Variants in ARID4A observed in about 807,000 individuals in gnomAD.
The protein encoded by ARID4A is AT-rich interactive domain-containing protein 4A.
Under a neutral mutation model 148.6 loss-of-function variants are expected in ARID4A, and 39 were observed. The ratio of observed to expected loss-of-function variants is 0.26; its 90% CI spans 0.20 to 0.34. ARID4A has a LOEUF of 0.34. Ranked by LOEUF, ARID4A falls within the 10% of genes least tolerant of loss-of-function variation. The pLI is 1.00. For synonymous variants in ARID4A, 475 were observed against 481.2 expected (o/e 0.99, Z 0.17); for missense variants, 1,265 against 1,449.1 (o/e 0.87, Z 2.06).
chr14:58,319,521 CTTTTTTTTTTTTTTTTTTTTTTT>C (rs71107934), intron 7 of ARID4A, among the ~76,000 whole-genome samples: 1 of 62,096 alleles, frequency 1.6e-5, no homozygotes, highest in Non-Finnish European at 2.9e-5. Flanking sequence ...TCTATATACT[CTTTTTTTTTTTTTTTTTTTTTTT>C]TTTTTTTTTT....
chr14:58,318,854 T>C, intron 7 of ARID4A, 49 bp downstream of exon 7: 1 of 1,462,502 alleles, frequency 6.8e-7, no homozygotes. Context: ...TATTATAACC[T>C]TAAACAAGGG....
intron 15 of ARID4A, 95 bp from the exon 16 acceptor site, chr14:58,350,978 G>A (rs1010954102): frequency 1.5e-6 from 2 of 1,305,550 alleles, no homozygotes; most frequent in Admixed American, 2.8e-5. Flanking sequence ...TCAAGCCAGA[G>A]ACATTGCTAT....
Position 58,327,560 on chromosome 14 carries a change from T to G in ARID4A, c.583-677T>G, listed in dbSNP as rs2033286270. Among the ~76,000 whole-genome samples, 3 of 152,188 alleles carry G rather than the reference T, an allele frequency of 2.0e-5. 1 individual carries two copies. The South Asian group carries it at 6.2e-4, about 32-fold the overall frequency. On this transcript the variant is annotated intron_variant, in intron 8 of 23. Coordinates refer to ENST00000355431, the MANE Select transcript of ARID4A (RefSeq NM_002892.4). ...AAAAAGATCCTTATTCAAGTATATT[T>G]TTAAAAATTATATGCCAAATTTTCA...
chr14:58,333,461 C>T (rs1161344771), intron 11 of ARID4A, among the ~76,000 whole-genome samples: 1 of 151,836 alleles, frequency 6.6e-6, no homozygotes, highest in Non-Finnish European at 1.5e-5. Flanking sequence ...GGAATGTGAC[C>T]AGTGTTAGCT....
At chr14:58,364,069 A>C (rs2035245775) in intron 19 of ARID4A, 101 bp from the exon 20 acceptor site, 10 of 586,096 alleles carry the variant, frequency 1.7e-5, no homozygotes, top group Non-Finnish European at 2.5e-5. Flanking sequence ...TCAGAGGTAC[A>C]TGATTAAAGA....
chr14:58,364,225 TGAA>T lies in ARID4A; in HGVS notation c.2140_2142del (p.Glu714del), dbSNP rs776946993. 1.6e-5 allele frequency: 24 copies of T among 1,503,494 alleles called. No individual in the cohort carries two copies. The highest frequency in any genetic ancestry group is 1.9e-5 in the Non-Finnish European group (21 of 1,129,628). The allele number at this position is 1,503,494 out of a possible 1,614,324, so 93.1% of individuals were successfully genotyped here. A position where few individuals can be genotyped will look rare whatever the true frequency, so the allele number is the denominator to read the frequency against. ...ATGCTTTAGAAAAGAATTTAATAAA[TGAA>T]GAACTTTCTCTTAAAGATGAACTAG... On this transcript the variant is annotated inframe_deletion, in exon 20 of 24. Transcript: ENST00000355431.
At chr14:58,339,378 A>T (rs1285055081) in intron 11 of ARID4A, among the ~76,000 whole-genome samples, 1 of 152,086 alleles carries the variant, frequency 6.6e-6, no homozygotes, top group Non-Finnish European at 1.5e-5. Context: ...AACCACAAAG[A>T]TCAAGTTTAG....
At position 58,318,399 on chromosome 14, in the gene ARID4A, A is replaced by G. The variant is rs527269429; in HGVS notation, c.275-143A>G. 3.7e-6 allele frequency: 3 copies of G among 811,212 alleles called. No homozygotes were observed. In the African/African-American group the frequency reaches 5.2e-5, roughly 14 times the overall value. The allele number at this position is 811,212 out of a possible 1,614,324, so 50.3% of individuals were successfully genotyped here. On this transcript the variant is annotated intron_variant, in intron 5 of 23. Transcript: ENST00000355431. ...ATGAAAAATATGGCATGGTATGCTC[A>G]TTGTAAAGGTTTTGAAAAATGACTA...
chr14:58,364,729 T>C lies in ARID4A; in HGVS notation c.2640T>C (p.Thr880=). 2 of 1,613,878 alleles carry C rather than the reference T, an allele frequency of 1.2e-6. No individual in the cohort carries two copies. The highest frequency in any genetic ancestry group is 1.7e-6 in the Non-Finnish European group (2 of 1,179,956). Residue 880 remains threonine (T), a synonymous_variant, in exon 20 of 24, where the codon ACT becomes ACC. Coordinates refer to ENST00000355431, the MANE Select transcript of ARID4A (RefSeq NM_002892.4). Reference sequence around the variant, plus strand: ...AGAATGGAATGGAAATGACAAATACTGTATCTCAAGAAAGGACCAGTGATT... The same window carrying C: ...AGAATGGAATGGAAATGACAAATACCGTATCTCAAGAAAGGACCAGTGATT... The part of the protein sequence containing the change: ...RIENGMEMTN[T]VSQERTSDCI...
chr14:58,323,715 A>C, intron 8 of ARID4A, 98 bp downstream of exon 8: 6 of 1,113,054 alleles, frequency 5.4e-6, no homozygotes, highest in Non-Finnish European at 7.8e-6. Context: ...AGTATTAAAC[A>C]AATTTGGACT....
In ARID4A at chr14:58,316,072, T is replaced by G. The variant is rs185389276; in HGVS notation, c.275-2470T>G. Among the ~76,000 whole-genome samples, 177 of 152,342 alleles carry G rather than the reference T, an allele frequency of 1.2e-3. 1 individual carries two copies. The highest frequency in any genetic ancestry group is 5.8e-3 in the Admixed American group (89 of 15,304). On this transcript the variant is annotated intron_variant, in intron 5 of 23. Transcript: ENST00000355431. ...TTTCAAAAAACTTATTCATTAAAGG[T>G]AAGCGTAGGATTTGAAGGCAAAGTG...
intron 11 of ARID4A, among the ~76,000 whole-genome samples, chr14:58,337,246 T>TATATATATATATAGA (rs1555361738): frequency 1.2e-5 from 1 of 83,818 alleles, no homozygotes; most frequent in African/African-American, 4.2e-5. Flanking sequence ...TTCTCTTTAT[T>TATATATATATATAGA]TATATATATA....
chr14:58,355,380 T>C (rs988854603), intron 17 of ARID4A, among the ~76,000 whole-genome samples: 16 of 152,218 alleles, frequency 1.1e-4, no homozygotes, highest in African/African-American at 3.9e-4. Context: ...CTGAATCTTA[T>C]ATATCCTATG....
chr14:58,365,874 T>G (rs1054234855), intron 21 of ARID4A, 150 bp from the exon 22 acceptor site: 11 of 808,242 alleles, frequency 1.4e-5, no homozygotes, highest in African/African-American at 1.2e-4. Context: ...GGTTTTTTTG[T>G]TTTTTTGTTG....
At chr14:58,319,903 T>G (rs938717134) in intron 7 of ARID4A, among the ~76,000 whole-genome samples, 1 of 151,382 alleles carries the variant, frequency 6.6e-6, no homozygotes, top group Admixed American at 6.6e-5. Flanking sequence ...TTCACACATT[T>G]GCTTTACGAT....
rs763901044 is a variant in ARID4A at position 58,365,630 on chromosome 14, T to A, written c.3316+8T>A. On this transcript the variant is annotated splice_region_variant and intron_variant, in intron 21 of 23. Coordinates refer to ENST00000355431, the MANE Select transcript of ARID4A (RefSeq NM_002892.4). Reference sequence around the variant, plus strand: ...ATGAAAAGAATGGAACAGGTTGGTGTCTTTCAATGCTAGCTTTTGTATAGT... The same window carrying A: ...ATGAAAAGAATGGAACAGGTTGGTGACTTTCAATGCTAGCTTTTGTATAGT... 6.2e-7 allele frequency: 1 copy of A among 1,609,302 alleles called. No individual in the cohort carries two copies. Among genetic ancestry groups the A allele is most frequent in the Admixed American group, 1.7e-5 (1 of 59,726 alleles).
At chr14:58,351,876 T>C (rs1428576885) in intron 16 of ARID4A, among the ~76,000 whole-genome samples, 3 of 152,210 alleles carry the variant, frequency 2.0e-5, no homozygotes, top group South Asian at 4.1e-4. Flanking sequence ...TCCTGTTTGC[T>C]GTTGAGTAAA....
At position 58,330,173 on chromosome 14, in the gene ARID4A, G is replaced by C; in HGVS notation, c.906+4G>C. 6.2e-7 allele frequency: 1 copy of C among 1,605,290 alleles called. No individual in the cohort carries two copies. Among genetic ancestry groups the C allele is most frequent in the Non-Finnish European group, 8.5e-7 (1 of 1,177,958 alleles). ...CAAAAAGACAGAAGAAGAGGTGGTA[G>C]GTGTAATTTCATGTTTGTAACAAAA... On this transcript the variant is annotated splice_donor_region_variant and intron_variant, in intron 11 of 23. Coordinates refer to ENST00000355431, the MANE Select transcript of ARID4A (RefSeq NM_002892.4).
chr14:58,357,675 A>C (rs939499152), intron 17 of ARID4A, among the ~76,000 whole-genome samples: 2 of 149,614 alleles, frequency 1.3e-5, no homozygotes, highest in Non-Finnish European at 3.0e-5. Flanking sequence ...GTGGCCCAAG[A>C]CAATTCTTCT....
Sources: gnomAD v4.1 joint callset for allele counts (sites outside exome capture counted in the v4.1 genomes callset) on GRCh38, gnomAD v4.1.1 for gene constraint, MANE v1.5 for transcripts, NCBI Gene and HGNC (gene_info 2026-07-23, HGNC 2026-07-21) for gene names.